CNTNAP2: variants seen among roughly 807,000 people sequenced by gnomAD.
CNTNAP2 encodes contactin-associated protein-like 2.
In CNTNAP2, 98 loss-of-function variants were observed where a neutral mutation model predicts 155.2. The ratio of observed to expected loss-of-function variants is 0.63; its 90% CI spans 0.54 to 0.75. CNTNAP2 has a LOEUF of 0.75. Among genes scored for constraint, CNTNAP2 ranks in the 30% least tolerant of loss-of-function variants. The probability of loss-of-function intolerance (pLI) is 0.00; values close to 1 mark genes in which losing one functional copy is unlikely to be tolerated. For synonymous variants in CNTNAP2, 651 were observed against 631.2 expected, an observed-to-expected ratio of 1.03 and a Z score of -0.47; for missense variants, 1,727 against 1,688.1, an observed-to-expected ratio of 1.02 and a Z score of -0.40.
At chr7:147,193,972 A>T (rs980631834) in intron 8 of CNTNAP2, among the ~76,000 whole-genome samples, 4 of 152,086 alleles carry the variant, frequency 2.6e-5, no homozygotes, top group African/African-American at 4.8e-5. Flanking sequence ...TCTTCTAAAA[A>T]AAAGTGGGGG....
intron 12 of CNTNAP2, among the ~76,000 whole-genome samples, chr7:147,630,315 G>GA (rs1795061894): frequency 2.6e-4 from 7 of 26,494 alleles, no homozygotes; most frequent in South Asian, 1.4e-3. Flanking sequence ...TGAAACAGTA[G>GA]TAAAAAAAAA....
intron 1 of CNTNAP2, among the ~76,000 whole-genome samples, chr7:146,596,595 C>CAGAGAGAGAGAGAGAGAGAGAG (rs368697909): frequency 1.9e-5 from 2 of 104,978 alleles, no homozygotes; most frequent in Non-Finnish European, 3.9e-5. Flanking sequence ...AGAAGGGAGA[C>CAGAGAGAGAGAGAGAGAGAGAG]AGAGAGAGAG....
intron 1 of CNTNAP2, among the ~76,000 whole-genome samples, chr7:146,393,037 T>C (rs1563067157): frequency 6.6e-6 from 1 of 152,178 alleles, no homozygotes; most frequent in Non-Finnish European, 1.5e-5. Context: ...CTTCACAGCC[T>C]CCGAATGACA....
intron 17 of CNTNAP2, 70 bp from the exon 18 acceptor site, chr7:148,172,172 T>A: frequency 1.4e-6 from 2 of 1,479,394 alleles, no homozygotes; most frequent in South Asian, 1.1e-5. Context: ...CCACAGTTGT[T>A]CAAAATATGA....
intron 1 of CNTNAP2, among the ~76,000 whole-genome samples, chr7:146,394,241 C>G (rs768266950): frequency 2.6e-5 from 4 of 152,102 alleles, no homozygotes; most frequent in Non-Finnish European, 4.4e-5. Flanking sequence ...AAGTAGAGAC[C>G]TGCTATGGAA....
intron 1 of CNTNAP2, among the ~76,000 whole-genome samples, chr7:146,483,282 A>AAAAAAATAT (rs1178407767): frequency 5.0e-5 from 2 of 39,880 alleles, no homozygotes; most frequent in African/African-American, 8.9e-5. Flanking sequence ...TCTAAAAAAA[A>AAAAAAATAT]ATATATATAT....
chr7:148,372,825 T>C (rs1166703184), intron 21 of CNTNAP2, among the ~76,000 whole-genome samples: 1 of 152,252 alleles, frequency 6.6e-6, no homozygotes, highest in African/African-American at 2.4e-5. Context: ...TGTCTAACAC[T>C]TAGATTAAAA....
At chr7:148,080,118 G>T (rs1803565695) in intron 15 of CNTNAP2, among the ~76,000 whole-genome samples, 1 of 152,140 alleles carries the variant, frequency 6.6e-6, no homozygotes, top group African/African-American at 2.4e-5. Flanking sequence ...GCTTCATCCT[G>T]CACCCCAGAG....
At chr7:146,847,148 G>A (rs933209472) in intron 3 of CNTNAP2, among the ~76,000 whole-genome samples, 6 of 151,628 alleles carry the variant, frequency 4.0e-5, no homozygotes, top group African/African-American at 1.5e-4. Flanking sequence ...GTTGATAAAT[G>A]GGTACCTACA....
At chr7:146,967,647 G>A (rs938052649) in intron 3 of CNTNAP2, among the ~76,000 whole-genome samples, 3 of 152,152 alleles carry the variant, frequency 2.0e-5, no homozygotes, top group African/African-American at 4.8e-5. Context: ...TGTGATTTTT[G>A]TACATTGATT....
chr7:147,256,970 G>C (rs553283062), intron 8 of CNTNAP2, among the ~76,000 whole-genome samples: 1 of 151,492 alleles, frequency 6.6e-6, no homozygotes, highest in African/African-American at 2.4e-5. Context: ...ATCAAGCATA[G>C]AAACAAAGGA....
intron 1 of CNTNAP2, among the ~76,000 whole-genome samples, chr7:146,419,606 C>A (rs551834361): frequency 1.3e-5 from 2 of 151,964 alleles, no homozygotes; most frequent in Non-Finnish European, 2.9e-5. Context: ...AGTAAATGGG[C>A]AAGAGTTGAA....
chr7:146,238,572 ATTTTC>A (rs1441184406), intron 1 of CNTNAP2, among the ~76,000 whole-genome samples: 2 of 152,126 alleles, frequency 1.3e-5, no homozygotes, highest in African/African-American at 4.8e-5. Context: ...AATTATTAAT[ATTTTC>A]TTTTATGAGT....
intron 20 of CNTNAP2, among the ~76,000 whole-genome samples, chr7:148,235,842 C>T (rs1409004747): frequency 3.9e-5 from 6 of 151,984 alleles, no homozygotes; most frequent in South Asian, 2.1e-4. Context: ...TGTGCCACCA[C>T]GCCCAGCTAA....
intron 1 of CNTNAP2, among the ~76,000 whole-genome samples, chr7:146,655,510 A>G (rs1488890052): frequency 6.6e-6 from 1 of 151,984 alleles, no homozygotes; most frequent in Non-Finnish European, 1.5e-5. Context: ...TTGTCTACAA[A>G]TATATTCTTT....
chr7:146,713,444 T>C (rs533972084), intron 1 of CNTNAP2, among the ~76,000 whole-genome samples: 1 of 152,284 alleles, frequency 6.6e-6, no homozygotes, highest in African/African-American at 2.4e-5. Context: ...TTTGTCATTC[T>C]GTCCATAACT....
At chr7:147,463,517 TAAAAC>T (rs1798061546) in intron 10 of CNTNAP2, among the ~76,000 whole-genome samples, 2 of 152,132 alleles carry the variant, frequency 1.3e-5, no homozygotes, top group Admixed American at 1.3e-4. Context: ...AAAATAGAGA[TAAAAC>T]AAAACCCTGT....
At chr7:147,290,040 A>C (rs1478868165) in intron 8 of CNTNAP2, among the ~76,000 whole-genome samples, 1 of 152,182 alleles carries the variant, frequency 6.6e-6, no homozygotes, top group Non-Finnish European at 1.5e-5. Flanking sequence ...TGTTCTGTAT[A>C]GTCACTGTGA....
At chr7:148,112,477 G>GT (rs1172721625) in intron 15 of CNTNAP2, among the ~76,000 whole-genome samples, 1 of 151,646 alleles carries the variant, frequency 6.6e-6, no homozygotes, top group Non-Finnish European at 1.5e-5. Flanking sequence ...TTGAAATGCA[G>GT]TGACATGATC....
Sources: allele counts gnomAD v4.1 joint callset (sites outside exome capture counted in the v4.1 genomes callset), GRCh38; gene constraint gnomAD v4.1.1; transcripts MANE v1.5; gene names NCBI Gene and HGNC (gene_info 2026-07-23, HGNC 2026-07-21).